The following RNF150 variants were observed in gnomAD, a reference collection of about 807,000 sequenced individuals.
RNF150 encodes ring finger protein 150.
Under a neutral mutation model 39.3 loss-of-function variants are expected in RNF150, and 24 were observed. The ratio of observed to expected loss-of-function variants is 0.61; its 90% CI spans 0.44 to 0.86. The LOEUF (loss-of-function observed/expected upper bound fraction) is 0.86. Ranked by LOEUF, RNF150 falls within the 40% of genes least tolerant of loss-of-function variation. The pLI is 0.00. For missense variants in RNF150, 502 were observed against 587.8 expected (o/e 0.85, Z 1.51); for synonymous variants, 255 against 227.3 (o/e 1.12, Z -1.10).
At chr4:140,986,456 C>T (rs1734019100) in intron 1 of RNF150, among the ~76,000 whole-genome samples, 1 of 152,054 alleles carries the variant, frequency 6.6e-6, no homozygotes, top group South Asian at 2.1e-4. Context: ...GTAAAATAAA[C>T]TTTCCATCAT....
At chr4:141,073,545 G>C (rs13148140) in intron 1 of RNF150, among the ~76,000 whole-genome samples, 74,813 of 151,838 alleles carry the variant, frequency 0.49, 20,726 homozygotes, top group Non-Finnish European at 0.64. Flanking sequence ...AAAGAGGAAG[G>C]ACTATGTCAT....
chr4:140,958,002 C>A (rs529913345), intron 2 of RNF150, among the ~76,000 whole-genome samples: 97 of 151,856 alleles, frequency 6.4e-4, no homozygotes, highest in Non-Finnish European at 1.2e-3. Context: ...ATGTAACTAA[C>A]CTGCACATTG....
chr4:140,962,697 G>C (rs909194260), intron 2 of RNF150, among the ~76,000 whole-genome samples: 1 of 151,908 alleles, frequency 6.6e-6, no homozygotes, highest in Non-Finnish European at 1.5e-5. Flanking sequence ...CATTCATTGA[G>C]TGCTGACTGA....
intron 1 of RNF150, among the ~76,000 whole-genome samples, chr4:141,196,467 G>C (rs1728202994): frequency 6.6e-6 from 1 of 152,192 alleles, no homozygotes; most frequent in African/African-American, 2.4e-5. Flanking sequence ...CTGCCACCTA[G>C]ATATTCAGAG....
chr4:141,000,022 AG>A (rs1393700782), intron 1 of RNF150, among the ~76,000 whole-genome samples: 6,571 of 40,760 alleles, frequency 0.16, 1,427 homozygotes, highest in Non-Finnish European at 0.24. Context: ...AAGAAGAAGA[AG>A]AAGAAGAAGA....
chr4:141,018,201 T>C (rs1314729227), intron 1 of RNF150, among the ~76,000 whole-genome samples: 1 of 152,184 alleles, frequency 6.6e-6, no homozygotes, highest in Non-Finnish European at 1.5e-5. Flanking sequence ...CTTATCCCTC[T>C]AGGTTGTCAG....
chr4:140,913,039 C>T (rs1189294607), intron 5 of RNF150, among the ~76,000 whole-genome samples: 2 of 151,542 alleles, frequency 1.3e-5, no homozygotes, highest in South Asian at 2.1e-4. Context: ...TTTGGGAGGC[C>T]GAGGTGGGCA....
upstream of RNF150, among the ~76,000 whole-genome samples, chr4:141,136,124 G>A (rs887973042): frequency 7.9e-5 from 12 of 152,108 alleles, no homozygotes; most frequent in Admixed American, 2.6e-4. Context: ...TGACAATTAC[G>A]TACAATAAAT....
chr4:141,027,054 G>A (rs986659933), intron 1 of RNF150, among the ~76,000 whole-genome samples: 12 of 152,130 alleles, frequency 7.9e-5, no homozygotes, highest in Admixed American at 5.2e-4. Flanking sequence ...GGGCCTGGTC[G>A]ATGCCTTCTC....
At chr4:140,921,142 G>A (rs183954043) in intron 5 of RNF150, among the ~76,000 whole-genome samples, 42 of 143,964 alleles carry the variant, frequency 2.9e-4, no homozygotes, top group African/African-American at 4.6e-4. Context: ...TAACTAACCC[G>A]CACATTGTGC....
rs531932636 is a variant in RNF150, at chr4:140,865,259, C to A, written c.*3002G>T. On this transcript the variant is annotated 3_prime_UTR_variant, in exon 7 of 7. Coordinates refer to ENST00000515673, the MANE Select transcript of RNF150 (RefSeq NM_020724.2). Reference sequence around the variant, plus strand: ...TGATTAAAATTATCTTTACCTGTTTCTTTTTACACTTTAAAATGTGGCTAG... The same window carrying A: ...TGATTAAAATTATCTTTACCTGTTTATTTTTACACTTTAAAATGTGGCTAG... 4 of 152,268 alleles carry A rather than the reference C, an allele frequency of 2.6e-5. No homozygotes were observed. The South Asian group carries it at 8.3e-4, about 32-fold the overall frequency. The allele number at this position is 152,268 out of a possible 1,614,324, so 9.4% of individuals were successfully genotyped here. A position where few individuals can be genotyped will look rare whatever the true frequency, so the allele number is the denominator to read the frequency against.
At chr4:140,881,337 AT>A (rs1167327120) in intron 6 of RNF150, among the ~76,000 whole-genome samples, 1 of 151,718 alleles carries the variant, frequency 6.6e-6, no homozygotes, top group East Asian at 1.9e-4. Flanking sequence ...TAATTTTTGT[AT>A]TTTTTTGTAG....
chr4:140,884,328 G>C (rs1271189651), intron 6 of RNF150, among the ~76,000 whole-genome samples: 1 of 152,074 alleles, frequency 6.6e-6, no homozygotes, highest in African/African-American at 2.4e-5. Flanking sequence ...TTGTTCGTTT[G>C]ATTGGGCCAT....
intron 1 of RNF150, among the ~76,000 whole-genome samples, chr4:141,041,940 T>G (rs1279617729): frequency 1.3e-5 from 2 of 152,064 alleles, no homozygotes; most frequent in African/African-American, 4.8e-5. Context: ...CTAATTTATT[T>G]TCAAAGAATG....
chr4:141,059,012 T>A (rs1317802852), intron 1 of RNF150, among the ~76,000 whole-genome samples: 3 of 152,180 alleles, frequency 2.0e-5, no homozygotes, highest in Non-Finnish European at 1.5e-5. Flanking sequence ...TCATTAAACA[T>A]TTGGAGAGGA....
rs557861142 is a variant in RNF150, at chr4:140,960,763, C to T, written c.735+6860G>A. On this transcript the variant is annotated intron_variant, in intron 2 of 6. Coordinates refer to ENST00000515673, the MANE Select transcript of RNF150 (RefSeq NM_020724.2). ...AGTGTGTCAATAGAGCTAAAAAGGC[C>T]ATATGTAGACTAAACTATATGTAAG... Among the ~76,000 whole-genome samples, 9 of 152,148 alleles carry T rather than the reference C, an allele frequency of 5.9e-5. No homozygotes were observed. The South Asian group carries it at 1.2e-3, about 21-fold the overall frequency.
intron 1 of RNF150, among the ~76,000 whole-genome samples, chr4:141,131,774 G>C (rs955154128): frequency 1.3e-5 from 2 of 152,086 alleles, no homozygotes; most frequent in African/African-American, 4.8e-5. Flanking sequence ...AGTTTCTCTG[G>C]ATGACAGCCT....
At chr4:141,112,596 T>C (rs1739420514) in intron 1 of RNF150, among the ~76,000 whole-genome samples, 1 of 152,218 alleles carries the variant, frequency 6.6e-6, no homozygotes, top group South Asian at 2.1e-4. Context: ...AGAGAGCTGG[T>C]GTTTGTCTGA....
At chr4:141,085,950 G>C (rs936486657) in intron 1 of RNF150, among the ~76,000 whole-genome samples, 3 of 151,256 alleles carry the variant, frequency 2.0e-5, no homozygotes, top group Non-Finnish European at 4.4e-5. Context: ...AAGGAGGGAA[G>C]ATATATTTAA....
Sources: gnomAD v4.1 joint callset for allele counts (sites outside exome capture counted in the v4.1 genomes callset) on GRCh38, gnomAD v4.1.1 for gene constraint, MANE v1.5 for transcripts, NCBI Gene and HGNC (gene_info 2026-07-23, HGNC 2026-07-21) for gene names.